SV2C: variants seen among roughly 807,000 people sequenced by gnomAD.
SV2C encodes the protein solute carrier family 22 member B3.
A neutral mutation model predicts 79.7 loss-of-function variants in SV2C; 49 were observed. That is an observed-to-expected ratio of 0.61 (90% confidence interval 0.49 to 0.78). The LOEUF is 0.78. SV2C is among the 30% of genes least tolerant of loss of function. The probability of loss-of-function intolerance (pLI) is 0.00; values close to 1 mark genes in which losing one functional copy is unlikely to be tolerated. For missense variants in SV2C, 833 were observed against 912.9 expected, an observed-to-expected ratio of 0.91 and a Z score of 1.13; for synonymous variants, 334 against 333.2, an observed-to-expected ratio of 1.00 and a Z score of -0.03.
the SV2C span, among the ~76,000 whole-genome samples, chr5:75,996,494 A>C: frequency 0.27 from 40,687 of 151,986 alleles, 6,745 homozygotes; most frequent in Middle Eastern, 0.43. Context: ...TATGAACTTT[A>C]AAGTAGTTTT....
intron 4 of SV2C, among the ~76,000 whole-genome samples, chr5:76,226,425 CCA>C (rs1158385296): frequency 6.6e-6 from 1 of 152,068 alleles, no homozygotes; most frequent in Non-Finnish European, 1.5e-5. Context: ...ATATTAAAGC[CCA>C]GTTTGGCCAG....
At chr5:75,953,853 C>G in the SV2C span, among the ~76,000 whole-genome samples, 449 of 152,028 alleles carry the variant, frequency 3.0e-3, 1 homozygote, top group African/African-American at 0.01. Context: ...GCTGCTTTCT[C>G]TTTTTTGTAT....
At chr5:75,854,455 A>G in the SV2C span, among the ~76,000 whole-genome samples, 1 of 152,106 alleles carries the variant, frequency 6.6e-6, no homozygotes, top group African/African-American at 2.4e-5. Flanking sequence ...TTCATTGTGT[A>G]TTTCTTTAAA....
At chr5:76,114,710 C>CA (rs1748209134) in intron 1 of SV2C, among the ~76,000 whole-genome samples, 1 of 152,202 alleles carries the variant, frequency 6.6e-6, no homozygotes, top group African/African-American at 2.4e-5. Flanking sequence ...CAGCTGTAAA[C>CA]ACTGGGGGTG....
Position 76,131,908 on chromosome 5 carries a change from A to G in SV2C, c.158A>G (p.Glu53Gly). ...QRSYSRFQDE[E>G]DDDDYYPAGE... The stretch of plus-strand genomic sequence containing the variant: ...TCCTACAGTCGGTTCCAAGATGAAG[A>G]AGATGATGATGACTACTACCCGGCT... The change falls in exon 2 of 13, where the codon GAA becomes GGA. Residue 53 changes from glutamate to glycine, a missense_variant. Coordinates refer to ENST00000502798, the MANE Select transcript of SV2C (RefSeq NM_014979.4). The G allele has an allele frequency of 6.2e-7, 1 of 1,614,100 alleles. No homozygotes were observed. Among genetic ancestry groups the G allele is most frequent in the Non-Finnish European group, 8.5e-7 (1 of 1,179,998 alleles).
chr5:75,882,045 A>G, the SV2C span, among the ~76,000 whole-genome samples: 2,995 of 149,822 alleles, frequency 0.02, 108 homozygotes, highest in African/African-American at 0.071. Context: ...TTCTGCATCT[A>G]TTGAGATAAT....
chr5:76,123,073 C>G lies in SV2C; in HGVS notation c.-101-8577C>G, dbSNP rs183082427. Among the ~76,000 whole-genome samples the G allele has an allele frequency of 1.5e-4, 23 of 152,274 alleles. No homozygotes were observed. In the East Asian group the frequency reaches 3.9e-3, roughly 26 times the overall value. The stretch of plus-strand genomic sequence containing the variant: ...ACCACCGATCCCACAGAAATACAAA[C>G]TACCATCAGAGAATACTACAAACAC... On this transcript the variant is annotated intron_variant, in intron 1 of 12. Transcript: ENST00000502798.
chr5:76,285,884 C>A lies in SV2C; in HGVS notation c.1137+14C>A. On this transcript the variant is annotated intron_variant, in intron 6 of 12. Coordinates refer to ENST00000502798, the MANE Select transcript of SV2C (RefSeq NM_014979.4). ...AAGGTCTTCACGGTGAGTCTTCTCC[C>A]CAGAGAATCCTCAACACCAGGGATT... 1 of 1,604,996 alleles carries A rather than the reference C, an allele frequency of 6.2e-7. No homozygotes were observed. Among genetic ancestry groups the A allele is most frequent in the South Asian group, 1.1e-5 (1 of 89,948 alleles).
intron 2 of SV2C, among the ~76,000 whole-genome samples, chr5:76,193,459 CTT>C (rs898958714): frequency 5.9e-5 from 9 of 152,178 alleles, no homozygotes; most frequent in African/African-American, 2.2e-4. Context: ...CAGCTAAAGA[CTT>C]TGCTTCACAT....
At chr5:76,019,567 A>G in the SV2C span, among the ~76,000 whole-genome samples, 1 of 152,184 alleles carries the variant, frequency 6.6e-6, no homozygotes, top group Non-Finnish European at 1.5e-5. Context: ...CTCTACCTAC[A>G]GTGTCAAAAT....
chr5:76,201,517 T>C (rs1280275787), intron 3 of SV2C, among the ~76,000 whole-genome samples: 1 of 152,228 alleles, frequency 6.6e-6, no homozygotes, highest in African/African-American at 2.4e-5. Flanking sequence ...CCTCTGTGAA[T>C]AGAGCCTACC....
chr5:75,934,283 T>G, the SV2C span, among the ~76,000 whole-genome samples: 1 of 139,340 alleles, frequency 7.2e-6, no homozygotes, highest in Non-Finnish European at 1.5e-5. Flanking sequence ...AGAGTTGTTG[T>G]TTCTTTTTTT....
chr5:76,207,018 A>G (rs532984078), intron 3 of SV2C, among the ~76,000 whole-genome samples: 1 of 152,310 alleles, frequency 6.6e-6, no homozygotes, highest in East Asian at 1.9e-4. Flanking sequence ...ATCCAGAAAA[A>G]ATAACCACGT....
chr5:76,300,709 C>CTTTG lies in SV2C; in HGVS notation c.1637-17_1637-14dup. 1.2e-6 allele frequency: 2 copies of CTTTG among 1,611,698 alleles called. No homozygotes were observed. Among genetic ancestry groups the CTTTG allele is most frequent in the Non-Finnish European group, 1.7e-6 (2 of 1,178,082 alleles). On this transcript the variant is annotated intron_variant, in intron 10 of 12. Coordinates refer to ENST00000502798, the MANE Select transcript of SV2C (RefSeq NM_014979.4). The stretch of plus-strand genomic sequence containing the variant: ...GCCTGGTAAGAGCTTGATGAATTGT[C>CTTTG]TTTGTTGTTGTTTCTACAGATTTTG...
At chr5:75,974,068 T>G in the SV2C span, among the ~76,000 whole-genome samples, 1 of 152,026 alleles carries the variant, frequency 6.6e-6, no homozygotes, top group Non-Finnish European at 1.5e-5. Flanking sequence ...CTTTTTGTAT[T>G]CTTGTCATTA....
the SV2C span, among the ~76,000 whole-genome samples, chr5:75,956,996 A>C: frequency 6.6e-6 from 1 of 151,986 alleles, no homozygotes; most frequent in Admixed American, 6.6e-5. Flanking sequence ...GTGATAGATT[A>C]AGTCCAGGCC....
the SV2C span, among the ~76,000 whole-genome samples, chr5:75,892,229 T>A: frequency 1.3e-5 from 2 of 152,068 alleles, no homozygotes; most frequent in Non-Finnish European, 2.9e-5. Flanking sequence ...CATGTCACAT[T>A]AGTCACTACC....
chr5:76,270,394 A>G (rs1427180175), intron 4 of SV2C, among the ~76,000 whole-genome samples: 1 of 152,228 alleles, frequency 6.6e-6, no homozygotes. Flanking sequence ...AGTGAGATGA[A>G]TCATTAGAAG....
At chr5:76,281,319 G>A (rs896908440) in intron 4 of SV2C, 9 of 408,102 alleles carry the variant, frequency 2.2e-5, no homozygotes, top group East Asian at 1.2e-4. Context: ...ATTCTAGGAC[G>A]GAAGTTAAGA....
Sources: allele counts gnomAD v4.1 joint callset (sites outside exome capture counted in the v4.1 genomes callset), GRCh38; gene constraint gnomAD v4.1.1; transcripts MANE v1.5; gene names NCBI Gene and HGNC (gene_info 2026-07-23, HGNC 2026-07-21).